The following TUT7 variants were observed in gnomAD, a reference collection of about 807,000 sequenced individuals.
TUT7 encodes terminal uridylyl transferase 7, also known as terminal uridylyltransferase 7.
TUT7 carries 33 observed loss-of-function variants against 165.9 expected under a neutral mutation model. That is an observed-to-expected ratio of 0.20 (90% confidence interval 0.15 to 0.27). The LOEUF (loss-of-function observed/expected upper bound fraction) is 0.27, where lower values mean the gene tolerates loss of function less well. Ranked by LOEUF, TUT7 falls within the 10% of genes least tolerant of loss-of-function variation. The probability of loss-of-function intolerance (pLI) is 1.00; values close to 1 mark genes in which losing one functional copy is unlikely to be tolerated. For missense variants in TUT7, 1,338 were observed against 1,762.3 expected (o/e 0.76, Z 4.31); for synonymous variants, 552 against 608.1 (o/e 0.91, Z 1.36).
Position 86,342,864 on chromosome 9 carries a change from G to A in TUT7, c.1086+211C>T, listed in dbSNP as rs952362560. 3.9e-5 allele frequency among the ~76,000 whole-genome samples: 6 copies of A among 152,072 alleles called. No individual in the cohort carries two copies. The East Asian group carries it at 9.7e-4, about 24-fold the overall frequency. On this transcript the variant is annotated intron_variant, in intron 6 of 26. Coordinates refer to ENST00000375963, the MANE Select transcript of TUT7 (RefSeq NM_024617.4). ...TCAGGTGCACATGGTTGAAAAACCA[G>A]TGTTGGATGTATAAAAGATCTATAG...
chr9:86,304,200 C>T (rs1281550408), intron 24 of TUT7, among the ~76,000 whole-genome samples: 6 of 152,058 alleles, frequency 3.9e-5, no homozygotes, highest in African/African-American at 1.4e-4. Context: ...TGTATCAAAT[C>T]ATCACGTTGT....
intron 26 of TUT7, among the ~76,000 whole-genome samples, chr9:86,292,573 G>A (rs1034913442): frequency 6.7e-6 from 1 of 149,778 alleles, no homozygotes; most frequent in African/African-American, 2.5e-5. Flanking sequence ...TGGTACTCAA[G>A]GCACTTCCAC....
chr9:86,302,934 T>C (rs928500624), intron 25 of TUT7, 152 bp downstream of exon 25: 16 of 505,620 alleles, frequency 3.2e-5, no homozygotes, highest in Admixed American at 2.6e-4. Context: ...AATCACTTCA[T>C]TTCATTAAAA....
chr9:86,323,577 C>G lies in TUT7; in HGVS notation c.2173G>C (p.Asp725His), dbSNP rs1829523174. Reference sequence around the variant, plus strand: ...GAGTTAACATCTGCTTGGATACAGTCTGAGTTTTCAGGGTGGACACTGATG... The same window carrying G: ...GAGTTAACATCTGCTTGGATACAGTGTGAGTTTTCAGGGTGGACACTGATG... ...EHISVHPENS[D>H]CIQADVNSDD... Residue 725 changes from aspartate to histidine, a missense_variant, in exon 13 of 27, where the codon GAC (aspartate) becomes CAC (histidine). Transcript: ENST00000375963. 1 of 1,614,070 alleles carries G rather than the reference C, an allele frequency of 6.2e-7. No homozygotes were observed. The highest frequency in any genetic ancestry group is 8.5e-7 in the Non-Finnish European group (1 of 1,180,042).
intron 17 of TUT7, among the ~76,000 whole-genome samples, chr9:86,312,983 C>A (rs1828344446): frequency 6.6e-6 from 1 of 152,020 alleles, no homozygotes. Context: ...CAGAAGGCCG[C>A]AGGGTCCTCT....
chr9:86,318,875 G>A, intron 16 of TUT7, 83 bp downstream of exon 16: 1 of 1,088,284 alleles, frequency 9.2e-7, no homozygotes, highest in Non-Finnish European at 1.4e-6. Flanking sequence ...TGATAAATTT[G>A]GAAAATACCA....
intron 24 of TUT7, among the ~76,000 whole-genome samples, chr9:86,303,583 T>C (rs2131315893): frequency 6.6e-6 from 1 of 152,294 alleles, no homozygotes; most frequent in South Asian, 2.1e-4. Flanking sequence ...AGAAACATGA[T>C]TTGCATCATA....
chr9:86,338,841 T>C lies in TUT7; in HGVS notation c.1317A>G (p.Ala439=). Residue 439 remains alanine, a synonymous_variant, in exon 9 of 27, where the codon GCA becomes GCG. Transcript: ENST00000375963. ...LEPKLVPLVI[A]FRYWAKLCSI... ...AGCCTACCTTTGCCCAGTACCTAAA[T>C]GCAATCACCAAAGGAACCAGCTTTG... 2 of 1,608,678 alleles carry C rather than the reference T, an allele frequency of 1.2e-6. No individual in the cohort carries two copies. The highest frequency in any genetic ancestry group is 2.2e-5 in the South Asian group (2 of 89,654).
At chr9:86,324,038 C>T in intron 12 of TUT7, 78 bp from the exon 13 acceptor site, 1 of 1,217,444 alleles carries the variant, frequency 8.2e-7, no homozygotes, top group Non-Finnish European at 1.1e-6. Context: ...AATTAGCCTG[C>T]TGCAGATAAA....
intron 2 of TUT7, among the ~76,000 whole-genome samples, chr9:86,350,546 T>C (rs1023324176): frequency 2.6e-5 from 4 of 152,244 alleles, no homozygotes; most frequent in African/African-American, 9.6e-5. Flanking sequence ...CCAGCGAGGC[T>C]GAGTTAATGG....
chr9:86,312,006 A>G (rs955702024), intron 17 of TUT7, among the ~76,000 whole-genome samples: 1 of 152,092 alleles, frequency 6.6e-6, no homozygotes, highest in Non-Finnish European at 1.5e-5. Flanking sequence ...TTGGCCTCCC[A>G]AAGTGCTGAG....
At chr9:86,320,319 T>G (rs1036354418) in intron 14 of TUT7, among the ~76,000 whole-genome samples, 1 of 151,540 alleles carries the variant, frequency 6.6e-6, no homozygotes, top group African/African-American at 2.4e-5. Context: ...GAACACCTTA[T>G]GATGAAGCCA....
chr9:86,300,732 C>T (rs185052912), intron 26 of TUT7, among the ~76,000 whole-genome samples: 14 of 152,338 alleles, frequency 9.2e-5, no homozygotes, highest in Non-Finnish European at 1.8e-4. Context: ...TAATCATGCT[C>T]ACTTGTAGAA....
rs1391743106 is a variant in TUT7 at position 86,331,563 on chromosome 9, T to C, written c.1456-3071A>G. ...ACGATTGTTTTGTCTTCCCAATGAA[T>C]TGACCCTACCCTAATAAAATGTCCC... On this transcript the variant is annotated intron_variant, in intron 10 of 26. Coordinates refer to ENST00000375963, the MANE Select transcript of TUT7 (RefSeq NM_024617.4). Among the ~76,000 whole-genome samples, 3 of 152,232 alleles carry C rather than the reference T, an allele frequency of 2.0e-5. No homozygotes were observed. The East Asian group carries it at 5.8e-4, about 29-fold the overall frequency.
At position 86,353,121 on chromosome 9, in the gene TUT7, C is replaced by T. The variant is rs143390882; in HGVS notation, c.79G>A (p.Gly27Ser). 1.2e-6 allele frequency: 2 copies of T among 1,613,316 alleles called. No individual in the cohort carries two copies. The highest frequency in any genetic ancestry group is 1.7e-6 in the Non-Finnish European group (2 of 1,179,930). Residue 27 changes from glycine to serine, a missense_variant, in exon 2 of 27, where the codon GGT becomes AGT. Physicochemically the swap from Gly to Ser is moderately conservative, Grantham distance 56 (BLOSUM62 0). This residue lies in a region of TUT7 where 434 missense variants were observed against 480.8 expected (regional missense o/e 0.90). Coordinates refer to ENST00000375963, the MANE Select transcript of TUT7 (RefSeq NM_024617.4). Reference protein sequence around the residue: ...GTMDDDDFRRGHPQQDYLIID... With the variant: ...GTMDDDDFRRSHPQQDYLIID... ...ATTAAATAATCTTGTTGGGGGTGACCCCTTCTGAAGTCATCATCATCCATA... is the reference window on the plus strand; with the variant it reads ...ATTAAATAATCTTGTTGGGGGTGACTCCTTCTGAAGTCATCATCATCCATA...
chr9:86,339,507 G>A (rs1420363748), intron 8 of TUT7, among the ~76,000 whole-genome samples: 4 of 152,050 alleles, frequency 2.6e-5, no homozygotes, highest in Non-Finnish European at 5.9e-5. Context: ...AACAGAGCGA[G>A]ACTCCGTCTC....
intron 3 of TUT7, 137 bp downstream of exon 3, chr9:86,346,162 A>G: frequency 1.3e-6 from 1 of 744,790 alleles, no homozygotes; most frequent in Non-Finnish European, 2.2e-6. Context: ...ACTGGACATC[A>G]CTTTTAACTT....
intron 26 of TUT7, among the ~76,000 whole-genome samples, chr9:86,293,506 G>A (rs139217494): frequency 7.2e-5 from 11 of 152,010 alleles, no homozygotes; most frequent in Non-Finnish European, 1.6e-4. Context: ...AAATGGTAAA[G>A]TTCAATGGTA....
At chr9:86,322,071 G>A (rs1299542867) in intron 14 of TUT7, among the ~76,000 whole-genome samples, 2 of 151,930 alleles carry the variant, frequency 1.3e-5, no homozygotes, top group Non-Finnish European at 2.9e-5. Flanking sequence ...ATGAGATCCT[G>A]TCTCAAAATT....
Sources: allele counts gnomAD v4.1 joint callset (sites outside exome capture counted in the v4.1 genomes callset), GRCh38; gene constraint gnomAD v4.1.1; regional missense constraint gnomAD v4.1.1; transcripts MANE v1.5; gene names NCBI Gene and HGNC (gene_info 2026-07-23, HGNC 2026-07-21).